Variants in MOK observed in about 807,000 individuals in gnomAD.
MOK encodes MOK protein kinase, also known as MAPK/MAK/MRK overlapping kinase.
Under a neutral mutation model 54.2 loss-of-function variants are expected in MOK, and 59 were observed. The observed-to-expected ratio is 1.09, with a 90% confidence interval of 0.88 to 1.35. MOK has a LOEUF of 1.35. MOK is among the 40% of genes most tolerant of loss of function. MOK has a pLI of 0.00. For missense variants in MOK, 517 were observed against 526.2 expected, an observed-to-expected ratio of 0.98 and a Z score of 0.17; for synonymous variants, 210 against 202.7, an observed-to-expected ratio of 1.04 and a Z score of -0.31.
At chr14:102,292,416 T>C (rs888466996) in intron 1 of MOK, among the ~76,000 whole-genome samples, 4 of 151,882 alleles carry the variant, frequency 2.6e-5, no homozygotes, top group African/African-American at 7.3e-5. Context: ...GAGCTTGCAG[T>C]GAGCCGAGAT....
chr14:102,275,778 A>G (rs1056157286), intron 2 of MOK, among the ~76,000 whole-genome samples: 3 of 152,194 alleles, frequency 2.0e-5, no homozygotes, highest in Non-Finnish European at 4.4e-5. Flanking sequence ...AAGATGCCAT[A>G]AAGAAAATGG....
chr14:102,287,123 G>T (rs1051212061), intron 1 of MOK, among the ~76,000 whole-genome samples: 3 of 152,172 alleles, frequency 2.0e-5, no homozygotes, highest in African/African-American at 7.2e-5. Context: ...CAGAAAAGAT[G>T]GTGGTGGGGA....
chr14:102,281,120 CT>C, intron 2 of MOK, among the ~76,000 whole-genome samples: 1 of 151,972 alleles, frequency 6.6e-6, no homozygotes, highest in Admixed American at 6.6e-5. Flanking sequence ...GGTCAGGAGT[CT>C]GAGACCAGCC....
chr14:102,291,906 C>T (rs2070794375), intron 1 of MOK, among the ~76,000 whole-genome samples: 2 of 150,940 alleles, frequency 1.3e-5, no homozygotes, highest in East Asian at 1.9e-4. Flanking sequence ...TGCAGTGAGC[C>T]GAGATCACGC....
intron 4 of MOK, among the ~76,000 whole-genome samples, chr14:102,257,975 C>CA (rs34751303): frequency 0.026 from 2,639 of 102,356 alleles, 62 homozygotes; most frequent in Middle Eastern, 0.073. Context: ...GACTCTGTCT[C>CA]AAAAAAAAAA....
At chr14:102,220,634 C>T (rs1286794679), downstream of MOK, among the ~76,000 whole-genome samples, 1 of 149,434 alleles carries the variant, frequency 6.7e-6, no homozygotes, top group African/African-American at 2.5e-5. This position sits in a 1 kb window ranked among gnomAD's most constrained non-coding sequence, Gnocchi z 4.2. Flanking sequence ...GCAGGAGAAT[C>T]ACTTGAACCC....
intron 1 of MOK, among the ~76,000 whole-genome samples, chr14:102,296,963 T>C (rs1031651489): frequency 6.6e-6 from 1 of 151,788 alleles, no homozygotes; most frequent in East Asian, 1.9e-4. Context: ...GAGGCTGAGG[T>C]GGGAGAATAC....
At chr14:102,221,514 C>T (rs920940483), downstream of MOK, among the ~76,000 whole-genome samples, 4 of 152,286 alleles carry the variant, frequency 2.6e-5, no homozygotes, top group African/African-American at 9.6e-5. This position sits in a 1 kb window ranked among gnomAD's most constrained non-coding sequence, Gnocchi z 4.8. Context: ...GGGGCGTTTG[C>T]GGGGTCCTCC....
At chr14:102,233,556 G>T in intron 8 of MOK, 132 bp downstream of exon 8, 1 of 689,928 alleles carries the variant, frequency 1.4e-6, no homozygotes, top group Non-Finnish European at 2.5e-6. Flanking sequence ...GCCCTCAAGT[G>T]AACTTGAACC....
intron 1 of MOK, among the ~76,000 whole-genome samples, chr14:102,298,395 G>A (rs566622287): frequency 4.6e-5 from 7 of 152,112 alleles, no homozygotes; most frequent in East Asian, 1.9e-4. Context: ...TCTAGCTCAC[G>A]GTTTGTAAAT....
At chr14:102,302,384 A>G (rs969084286) in intron 1 of MOK, among the ~76,000 whole-genome samples, 18 of 151,744 alleles carry the variant, frequency 1.2e-4, no homozygotes, top group African/African-American at 4.4e-4. Context: ...ACAAATGTAA[A>G]TTTTATATAT....
downstream of MOK, chr14:102,223,389 AT>A: frequency 6.5e-6 from 1 of 152,706 alleles, no homozygotes. Context: ...ATTTTAAAAA[AT>A]TGTTTGCACT....
chr14:102,224,198 C>T (rs12884628), downstream of MOK, among the ~76,000 whole-genome samples: 20,542 of 151,874 alleles, frequency 0.14, 1,755 homozygotes, highest in African/African-American at 0.25. Flanking sequence ...CCCGCCACCA[C>T]GCCCGGCTAA....
rs2067669011 is a variant in MOK at position 102,263,831 on chromosome 14, A to G, written c.213-215T>C. The G allele has an allele frequency of 1.9e-5, 8 of 412,426 alleles. No individual in the cohort carries two copies. The South Asian group carries it at 3.5e-4, about 18-fold the overall frequency. 25.5% of individuals were successfully genotyped at this position (412,426 alleles called of 1,614,324 possible). On this transcript the variant is annotated intron_variant, in intron 3 of 11. Coordinates refer to ENST00000361847, the MANE Select transcript of MOK (RefSeq NM_014226.3). ...TACTAGCAAAACCCAACTTTGAACAAAATTCTAGAAGTTGAAAACAGATAT... is the reference window on the plus strand; with the variant it reads ...TACTAGCAAAACCCAACTTTGAACAGAATTCTAGAAGTTGAAAACAGATAT...
chr14:102,304,906 C>T (rs1597686452), intron 1 of MOK, 56 bp downstream of exon 1: 1 of 1,528,972 alleles, frequency 6.5e-7, no homozygotes. Context: ...CCCCCAGTCC[C>T]TCCCTCCCCC....
chr14:102,215,345 C>T, the MOK span, among the ~76,000 whole-genome samples: 6 of 152,192 alleles, frequency 3.9e-5, no homozygotes, highest in Non-Finnish European at 7.3e-5. Flanking sequence ...GGGCCACGAG[C>T]TGGCTTTTGT....
rs1567269513 is a variant in MOK, at chr14:102,304,956, ACTCACTC to A, written c.6_7+5del. The A allele has an allele frequency of 7.8e-7, 1 of 1,277,828 alleles. No individual in the cohort carries two copies. Among genetic ancestry groups the A allele is most frequent in the Admixed American group, 2.5e-5 (1 of 39,328 alleles). The allele number at this position is 1,277,828 out of a possible 1,614,324, so 79.2% of individuals were successfully genotyped here. A position where few individuals can be genotyped will look rare whatever the true frequency, so the allele number is the denominator to read the frequency against. On this transcript the variant is annotated splice_donor_variant and splice_donor_5th_base_variant and coding_sequence_variant and intron_variant, in exon 1 of 12. Coordinates refer to ENST00000361847, the MANE Select transcript of MOK (RefSeq NM_014226.3). LOFTEE classifies it high-confidence loss of function. ...AGTCCCTGCCCCTTTCCCCGGCCCC[ACTCACTC>A]TTCATCTTGGATGCGGAAGCCGGTG... is the stretch of plus-strand genomic sequence containing the variant.
At position 102,270,871 on chromosome 14, in the gene MOK, T is replaced by C. The variant is rs139332710; in HGVS notation, c.123-4959A>G. ...CCGTATAAATGTCCTGAAACTCACT[T>C]ACAATAGCTGAATTTTATGAAAGGA... On this transcript the variant is annotated intron_variant, in intron 2 of 11. Transcript: ENST00000361847. Among the ~76,000 whole-genome samples, 954 of 151,938 alleles carry C rather than the reference T, an allele frequency of 6.3e-3. 4 individuals carry two copies. The highest frequency in any genetic ancestry group is 0.022 in the African/African-American group (904 of 41,256).
Position 102,268,723 on chromosome 14 carries a change from G to A in MOK, c.123-2811C>T, listed in dbSNP as rs149511005. 4.6e-3 allele frequency among the ~76,000 whole-genome samples: 706 copies of A among 152,168 alleles called. 6 individuals are homozygous for A. Among genetic ancestry groups the A allele is most frequent in the African/African-American group, 0.016 (654 of 41,526 alleles). ...GAGGTCAGGAGATCGAGACCATCCT[G>A]GCTAACACAGTGAAACCCCGTCTCT... On this transcript the variant is annotated intron_variant, in intron 2 of 11. Coordinates refer to ENST00000361847, the MANE Select transcript of MOK (RefSeq NM_014226.3).
Sources: allele counts gnomAD v4.1 joint callset (sites outside exome capture counted in the v4.1 genomes callset), GRCh38; gene constraint gnomAD v4.1.1; non-coding constraint Gnocchi (gnomAD v3.1); transcripts MANE v1.5; gene names NCBI Gene and HGNC (gene_info 2026-07-23, HGNC 2026-07-21).